Variants in GRM7 observed in about 807,000 individuals in gnomAD.
GRM7 encodes the protein glutamate metabotropic receptor 7, also known as metabotropic glutamate receptor 7.
GRM7 carries 35 observed loss-of-function variants against 84.5 expected under a neutral mutation model. The observed-to-expected ratio is 0.41, with a 90% confidence interval of 0.32 to 0.55. GRM7 has a LOEUF of 0.55. GRM7 is among the 20% of genes least tolerant of loss of function. The probability of loss-of-function intolerance (pLI) is 0.19; values close to 1 mark genes in which losing one functional copy is unlikely to be tolerated. For missense variants in GRM7, 1,003 were observed against 1,194.6 expected, an observed-to-expected ratio of 0.84 and a Z score of 2.36; for synonymous variants, 487 against 455.1, an observed-to-expected ratio of 1.07 and a Z score of -0.89.
rs757266601 is a variant in GRM7 at position 7,306,519 on chromosome 3, A to G, written c.900A>G (p.Lys300=). The G allele has an allele frequency of 1.9e-6, 3 of 1,614,002 alleles. No homozygotes were observed. The East Asian group carries it at 6.7e-5, about 36-fold the overall frequency. Residue 300 remains lysine (K), a synonymous_variant, in exon 4 of 10, where the codon AAA becomes AAG. Coordinates refer to ENST00000357716, the MANE Select transcript of GRM7 (RefSeq NM_000844.4). The part of the protein sequence containing the change: ...EDIKQILAAA[K]RADQVGHFLW... ...ACAGGCAGATCCTTGCAGCAGCCAAAAGAGCTGACCAAGTTGGCCATTTTC... is the reference window on the plus strand; with the variant it reads ...ACAGGCAGATCCTTGCAGCAGCCAAGAGAGCTGACCAAGTTGGCCATTTTC...
intron 7 of GRM7, among the ~76,000 whole-genome samples, chr3:7,530,128 T>C (rs1333697607): frequency 7.5e-6 from 1 of 132,890 alleles, no homozygotes; most frequent in African/African-American, 2.7e-5. Context: ...GTGTGTGATG[T>C]TCCCCTCCCT....
At chr3:7,570,735 C>G (rs751721387) in intron 7 of GRM7, among the ~76,000 whole-genome samples, 1 of 152,210 alleles carries the variant, frequency 6.6e-6, no homozygotes, top group Non-Finnish European at 1.5e-5. Flanking sequence ...CACAGCCCCA[C>G]TAGGTGGTGC....
At chr3:6,923,633 G>C (rs993599805) in intron 1 of GRM7, among the ~76,000 whole-genome samples, 1 of 152,018 alleles carries the variant, frequency 6.6e-6, no homozygotes, top group Non-Finnish European at 1.5e-5. Flanking sequence ...CCCCTGCACT[G>C]GGACTGACAG....
At chr3:7,439,689 TAAG>T (rs1348447571) in intron 5 of GRM7, among the ~76,000 whole-genome samples, 1 of 152,126 alleles carries the variant, frequency 6.6e-6, no homozygotes, top group African/African-American at 2.4e-5. Flanking sequence ...CATTGGGAAG[TAAG>T]AAGGACACTG....
intron 8 of GRM7, among the ~76,000 whole-genome samples, chr3:7,635,590 T>C (rs1375394283): frequency 1.3e-5 from 2 of 152,224 alleles, no homozygotes; most frequent in Non-Finnish European, 2.9e-5. Context: ...CAGCCCTTGT[T>C]GGGAGTTGTT....
intron 1 of GRM7, among the ~76,000 whole-genome samples, chr3:6,867,407 C>A (rs1694974451): frequency 6.6e-6 from 1 of 152,110 alleles, no homozygotes; most frequent in African/African-American, 2.4e-5. Flanking sequence ...TATCTCGATG[C>A]AGTTGAGAGG....
At chr3:7,394,329 A>C (rs1695122457) in intron 4 of GRM7, among the ~76,000 whole-genome samples, 1 of 152,350 alleles carries the variant, frequency 6.6e-6, no homozygotes, top group African/African-American at 2.4e-5. Flanking sequence ...AGATACTGTA[A>C]AAGATTGCAG....
At chr3:7,445,472 G>T (rs1206701872) in intron 5 of GRM7, among the ~76,000 whole-genome samples, 1 of 152,114 alleles carries the variant, frequency 6.6e-6, no homozygotes, top group Non-Finnish European at 1.5e-5. Context: ...CAGAAAGTTC[G>T]CAATTAACAC....
intron 2 of GRM7, among the ~76,000 whole-genome samples, chr3:7,195,673 A>T (rs1195843929): frequency 1.3e-5 from 2 of 152,136 alleles, no homozygotes; most frequent in Non-Finnish European, 2.9e-5. Context: ...AAATAATGGG[A>T]GGAAAAGAAA....
intron 1 of GRM7, among the ~76,000 whole-genome samples, chr3:6,866,183 C>A (rs1045316943): frequency 3.9e-5 from 6 of 152,058 alleles, no homozygotes; most frequent in Non-Finnish European, 7.4e-5. Context: ...TAACAAATTA[C>A]AAGTGCTATA....
chr3:7,731,646 C>T (rs766839158), intron 9 of GRM7, among the ~76,000 whole-genome samples: 3 of 152,148 alleles, frequency 2.0e-5, no homozygotes, highest in African/African-American at 4.8e-5. Flanking sequence ...GAGGCTGAGT[C>T]CTGCTAAGGC....
intron 4 of GRM7, among the ~76,000 whole-genome samples, chr3:7,322,437 T>G (rs957048947): frequency 1.3e-5 from 2 of 152,024 alleles, no homozygotes; most frequent in African/African-American, 4.8e-5. Context: ...GAACAGGTTT[T>G]TTTTTGTTGT....
chr3:7,444,815 C>T (rs751148108), intron 5 of GRM7, among the ~76,000 whole-genome samples: 7 of 152,114 alleles, frequency 4.6e-5, no homozygotes, highest in Non-Finnish European at 2.9e-5. Flanking sequence ...AGATGAATAG[C>T]CCCCCAGGAA....
At chr3:7,373,989 G>C (rs750869616) in intron 4 of GRM7, among the ~76,000 whole-genome samples, 1 of 152,144 alleles carries the variant, frequency 6.6e-6, no homozygotes, top group Non-Finnish European at 1.5e-5. Context: ...TCTGAATAGT[G>C]ATTATGTCAA....
chr3:7,374,821 G>A (rs184483612), intron 4 of GRM7, among the ~76,000 whole-genome samples: 11 of 152,068 alleles, frequency 7.2e-5, no homozygotes, highest in East Asian at 1.9e-4. Context: ...GCATGACATA[G>A]AGAATTTGGA....
At chr3:7,099,483 A>T (rs533129970) in intron 1 of GRM7, among the ~76,000 whole-genome samples, 207 of 145,072 alleles carry the variant, frequency 1.4e-3, no homozygotes, top group African/African-American at 5.2e-3. Context: ...ACATATATGT[A>T]TATGTACACG....
intron 1 of GRM7, among the ~76,000 whole-genome samples, chr3:6,944,058 T>C (rs1361342467): frequency 6.6e-6 from 1 of 152,094 alleles, no homozygotes; most frequent in African/African-American, 2.4e-5. Flanking sequence ...ACTCATTTTT[T>C]AGTTTTATAA....
At chr3:7,232,398 C>T (rs1351929845) in intron 2 of GRM7, among the ~76,000 whole-genome samples, 2 of 152,150 alleles carry the variant, frequency 1.3e-5, no homozygotes, top group Non-Finnish European at 2.9e-5. Context: ...TGGAAAGACC[C>T]TAAGCATTTA....
chr3:6,953,396 G>C (rs567024768), intron 1 of GRM7, among the ~76,000 whole-genome samples: 3 of 152,138 alleles, frequency 2.0e-5, no homozygotes, highest in African/African-American at 7.2e-5. Context: ...AGCAACAGCT[G>C]TACCCCAAAA....
Sources: allele counts gnomAD v4.1 joint callset (sites outside exome capture counted in the v4.1 genomes callset), GRCh38; gene constraint gnomAD v4.1.1; transcripts MANE v1.5; gene names NCBI Gene and HGNC (gene_info 2026-07-23, HGNC 2026-07-21).